INTU: variants seen among roughly 807,000 people sequenced by gnomAD.
The protein encoded by INTU is inturned planar cell polarity protein, also known as protein inturned.
A neutral mutation model predicts 100.5 loss-of-function variants in INTU; 68 were observed. That is an observed-to-expected ratio of 0.68 (90% confidence interval 0.56 to 0.83). The LOEUF (loss-of-function observed/expected upper bound fraction) is 0.83. Ranked by LOEUF, INTU falls within the 40% of genes least tolerant of loss-of-function variation. INTU has a pLI of 0.00. For missense variants in INTU, 1,071 were observed against 1,114.7 expected, an observed-to-expected ratio of 0.96 and a Z score of 0.56; for synonymous variants, 357 against 395.7, an observed-to-expected ratio of 0.90 and a Z score of 1.16.
In INTU at chr4:127,684,409, A is replaced by G; in HGVS notation, c.1182A>G (p.Glu394=). 6.3e-7 allele frequency: 1 copy of G among 1,585,996 alleles called. No individual in the cohort carries two copies. Among genetic ancestry groups the G allele is most frequent in the Non-Finnish European group, 8.6e-7 (1 of 1,164,478 alleles). Residue 394 remains glutamate (E), a splice_region_variant and synonymous_variant, in exon 7 of 16, where the codon GAA becomes GAG. Transcript: ENST00000335251. ...AATACGTGTAATTTTGCTTTTTTAG[A>G]GTTCCTCTTCCTCGTCTAAGGAACA... ...KLLLIGLPAE[E]VPLPRLRNMI... is the part of the protein sequence containing the mutation.
intron 8 of INTU, among the ~76,000 whole-genome samples, chr4:127,688,971 C>CTTTTTTT (rs763570146): frequency 4.9e-4 from 43 of 87,934 alleles, no homozygotes; most frequent in Non-Finnish European, 6.4e-4. Flanking sequence ...TTCTTTCTTT[C>CTTTTTTT]TTTTTTTTTT....
At chr4:127,663,612 A>G (rs763321075) in intron 4 of INTU, 28 bp downstream of exon 4, 8 of 1,591,248 alleles carry the variant, frequency 5.0e-6, no homozygotes, top group Non-Finnish European at 4.3e-6. Context: ...TCCAAAGGAA[A>G]TAAGTTTAGT....
intron 8 of INTU, among the ~76,000 whole-genome samples, chr4:127,698,937 T>C (rs1730517793): frequency 6.6e-6 from 1 of 151,966 alleles, no homozygotes; most frequent in Admixed American, 6.6e-5. Context: ...TGCAGAAAAA[T>C]GTAGGTCACA....
intron 6 of INTU, 53 bp from the exon 7 acceptor site, chr4:127,684,356 T>C (rs891432251): frequency 1.0e-6 from 1 of 969,494 alleles, no homozygotes. Context: ...TTCTTTTAGA[T>C]AAATGTCATT....
At chr4:127,707,835 G>A (rs186008152) in intron 12 of INTU, among the ~76,000 whole-genome samples, 92 of 152,212 alleles carry the variant, frequency 6.0e-4, no homozygotes, top group Middle Eastern at 3.4e-3. Context: ...CATTCACCCT[G>A]GGAGGCTTTG....
At chr4:127,689,801 A>G (rs1273731428) in intron 8 of INTU, among the ~76,000 whole-genome samples, 1 of 152,132 alleles carries the variant, frequency 6.6e-6, no homozygotes, top group East Asian at 1.9e-4. Context: ...TTCGATATAG[A>G]TAGAAACATA....
chr4:127,636,091 C>A (rs758273099), intron 1 of INTU, among the ~76,000 whole-genome samples: 1 of 151,718 alleles, frequency 6.6e-6, no homozygotes, highest in Non-Finnish European at 1.5e-5. Flanking sequence ...CATAGTGAGA[C>A]CCCCATCTCT....
intron 8 of INTU, among the ~76,000 whole-genome samples, chr4:127,694,183 G>A (rs566072288): frequency 6.6e-6 from 1 of 152,068 alleles, no homozygotes; most frequent in South Asian, 2.1e-4. Flanking sequence ...GAATTTATCT[G>A]TGAGTCTGTC....
Position 127,643,770 on chromosome 4 carries a change from T to C in INTU, c.396T>C (p.Asn132=). ...RLLPKRCNKK[N]SNDNGPVSIL... ...TACCCAAGCGCTGCAATAAAAAAAA[T>C]AGCAATGACAATGGACCAGTATCCA... The change falls in exon 2 of 16, where the codon AAT becomes AAC. Residue 132 remains asparagine (N), a synonymous_variant. Transcript: ENST00000335251. 1 of 1,613,242 alleles carries C rather than the reference T, an allele frequency of 6.2e-7. No individual in the cohort carries two copies. Among genetic ancestry groups the C allele is most frequent in the Non-Finnish European group, 8.5e-7 (1 of 1,179,836 alleles).
chr4:127,676,402 A>G (rs1729183411), intron 6 of INTU, among the ~76,000 whole-genome samples: 1 of 152,004 alleles, frequency 6.6e-6, no homozygotes, highest in Non-Finnish European at 1.5e-5. Context: ...CCTAGGTAAC[A>G]TGGTGAAACC....
At chr4:127,668,148 T>A (rs1728775141) in intron 4 of INTU, among the ~76,000 whole-genome samples, 1 of 152,004 alleles carries the variant, frequency 6.6e-6, no homozygotes. Flanking sequence ...GCTTTTAATT[T>A]TCCTTGTGAG....
chr4:127,679,603 AG>A (rs1209659720), intron 6 of INTU, among the ~76,000 whole-genome samples: 1 of 152,200 alleles, frequency 6.6e-6, no homozygotes, highest in African/African-American at 2.4e-5. Flanking sequence ...CATTCAAAGC[AG>A]TGCATAGAGG....
At chr4:127,690,363 T>C (rs1730061671) in intron 8 of INTU, among the ~76,000 whole-genome samples, 1 of 152,194 alleles carries the variant, frequency 6.6e-6, no homozygotes, top group African/African-American at 2.4e-5. Flanking sequence ...TGCCAGTGCT[T>C]TGGCTGCTTT....
rs970762611 is a variant in INTU at position 127,643,992 on chromosome 4, G to C, written c.618G>C (p.Glu206Asp). The change falls in exon 2 of 16, where the codon GAG becomes GAC. Residue 206 changes from glutamate (E) to aspartate (D), a missense_variant. Coordinates refer to ENST00000335251, the MANE Select transcript of INTU (RefSeq NM_015693.4). ...WRRTGKQGDGERLVVHGLLPG... is the reference protein window; with the variant it reads ...WRRTGKQGDGDRLVVHGLLPG... ...GAACCGGAAAGCAGGGTGATGGAGA[G>C]AGGCTTGTGGTTCATGGCCTGCTGC... 3 of 1,614,080 alleles carry C rather than the reference G, an allele frequency of 1.9e-6. No individual in the cohort carries two copies. Among genetic ancestry groups the C allele is most frequent in the Admixed American group, 1.7e-5 (1 of 60,012 alleles).
intron 2 of INTU, among the ~76,000 whole-genome samples, chr4:127,655,500 C>T (rs1728147528): frequency 1.3e-5 from 2 of 151,186 alleles, no homozygotes; most frequent in Non-Finnish European, 2.9e-5. Flanking sequence ...TGTCAGTGTT[C>T]CCCTGCTGGG....
intron 1 of INTU, among the ~76,000 whole-genome samples, chr4:127,635,085 T>C (rs1297615727): frequency 3.9e-5 from 6 of 152,232 alleles, no homozygotes; most frequent in Non-Finnish European, 4.4e-5. Context: ...AGGTTTTAGT[T>C]AACTGCGTGT....
chr4:127,644,644 AT>A (rs1321601480), intron 2 of INTU, among the ~76,000 whole-genome samples: 1 of 152,214 alleles, frequency 6.6e-6, no homozygotes, highest in Admixed American at 6.5e-5. Flanking sequence ...CTGAATATAT[AT>A]TAAGATGAAC....
intron 2 of INTU, among the ~76,000 whole-genome samples, chr4:127,649,648 T>G (rs1727747425): frequency 6.6e-6 from 1 of 152,158 alleles, no homozygotes; most frequent in African/African-American, 2.4e-5. Flanking sequence ...TGGAGGATTT[T>G]GGATTTTCAA....
At chr4:127,668,414 T>C (rs1359881879) in intron 4 of INTU, among the ~76,000 whole-genome samples, 3 of 151,950 alleles carry the variant, frequency 2.0e-5, no homozygotes, top group Non-Finnish European at 4.4e-5. Flanking sequence ...TTCAGATTAG[T>C]TTGTGGTATA....
Sources: gnomAD v4.1 joint callset for allele counts (sites outside exome capture counted in the v4.1 genomes callset) on GRCh38, gnomAD v4.1.1 for gene constraint, MANE v1.5 for transcripts, NCBI Gene and HGNC (gene_info 2026-07-23, HGNC 2026-07-21) for gene names.